The following OR3A2 variants were observed in gnomAD, a reference collection of about 807,000 sequenced individuals.
OR3A2 encodes the protein olfactory receptor family 3 subfamily A member 2.
For synonymous variants in OR3A2, 126 were observed against 159.3 expected (o/e 0.79, Z 1.57); for missense variants, 318 against 392.8 (o/e 0.81, Z 1.61).
chr17:3,383,967 A>AAATATTTATTGAATAAATATTGTGTAC (rs2049758952), intron 1 of OR3A2: 1 of 114,354 alleles, frequency 8.7e-6, no homozygotes, highest in African/African-American at 3.1e-5. Context: ...TATTGTATAC[A>AAATATTTATTGAATAAATATTGTGTAC]AATATTTATT....
intron 1 of OR3A2, 40 bp downstream of exon 4, chr17:3,279,036 C>T (rs2048761860): frequency 2.0e-6 from 3 of 1,522,510 alleles, no homozygotes; most frequent in East Asian, 4.5e-5. Flanking sequence ...CCAGGCCATC[C>T]CTCACTCGTT....
chr17:3,385,692 G>T (rs1364780340), intron 1 of OR3A2, among the ~76,000 whole-genome samples: 2 of 152,162 alleles, frequency 1.3e-5, no homozygotes, highest in African/African-American at 4.8e-5. Flanking sequence ...ACCAAAGTCT[G>T]AGAGTTACCC....
intron 3 of OR3A2, among the ~76,000 whole-genome samples, chr17:3,325,558 T>C (rs1207548736): frequency 6.6e-6 from 1 of 152,022 alleles, no homozygotes; most frequent in East Asian, 1.9e-4. Context: ...TAAATGTATA[T>C]AGATATATAT....
intron 2 of OR3A2, among the ~76,000 whole-genome samples, chr17:3,337,439 G>A (rs1399505148): frequency 6.7e-6 from 1 of 149,190 alleles, no homozygotes. Flanking sequence ...CCAACCCCAC[G>A]AGAGGCCCCG....
upstream of OR3A2, among the ~76,000 whole-genome samples, chr17:3,287,008 G>T (rs965058350): frequency 6.6e-6 from 1 of 152,124 alleles, no homozygotes; most frequent in African/African-American, 2.4e-5. Flanking sequence ...GTCCTGAATG[G>T]TATTGCCTAG....
At chr17:3,373,283 G>A (rs916064027) in intron 2 of OR3A2, among the ~76,000 whole-genome samples, 2 of 152,212 alleles carry the variant, frequency 1.3e-5, no homozygotes. Flanking sequence ...TTGTTAGGTA[G>A]AATGTTCTGT....
At chr17:3,297,305 T>C (rs9892536) in intron 3 of OR3A2, among the ~76,000 whole-genome samples, 2,141 of 152,284 alleles carry the variant, frequency 0.014, 34 homozygotes, top group African/African-American at 0.048. Flanking sequence ...AGCAGAACAA[T>C]TCCCTTACAT....
intron 3 of OR3A2, among the ~76,000 whole-genome samples, chr17:3,323,368 A>G (rs1249807735): frequency 6.6e-6 from 1 of 152,074 alleles, no homozygotes; most frequent in African/African-American, 2.4e-5. Context: ...TTCAAAGTTA[A>G]TATCGTTACG....
exon 2 of OR3A2, chr17:3,278,813 G>C: frequency 1.3e-6 from 2 of 1,537,472 alleles, no homozygotes; most frequent in Non-Finnish European, 1.8e-6. Context: ...GATAGGCAAA[G>C]AGGAGGAGCA....
At chr17:3,283,827 C>A (rs1480622464) in intron 1 of OR3A2, among the ~76,000 whole-genome samples, 1 of 150,858 alleles carries the variant, frequency 6.6e-6, no homozygotes, top group Non-Finnish European at 1.5e-5. Flanking sequence ...GGTAGAAGAA[C>A]CACTAAACAG....
At chr17:3,346,286 A>G (rs1245883633) in intron 2 of OR3A2, among the ~76,000 whole-genome samples, 2 of 152,172 alleles carry the variant, frequency 1.3e-5, no homozygotes, top group East Asian at 3.8e-4. Flanking sequence ...GTACATATTT[A>G]TAAGTACATG....
At chr17:3,360,601 G>T (rs943944813) in intron 2 of OR3A2, among the ~76,000 whole-genome samples, 9 of 151,752 alleles carry the variant, frequency 5.9e-5, no homozygotes, top group Non-Finnish European at 1.3e-4. Flanking sequence ...CGTATAAGGT[G>T]TAAAGAAGGG....
intron 3 of OR3A2, chr17:3,310,323 A>T: frequency 1.9e-6 from 1 of 533,606 alleles, no homozygotes; most frequent in Non-Finnish European, 3.9e-6. Flanking sequence ...GGATCTGGGG[A>T]ACTCAGGGAA....
At chr17:3,286,204 T>C (rs1249771019), upstream of OR3A2, among the ~76,000 whole-genome samples, 1 of 152,186 alleles carries the variant, frequency 6.6e-6, no homozygotes, top group Non-Finnish European at 1.5e-5. Context: ...CTGAGAATGA[T>C]GGTTTCCAGC....
At position 3,299,608 on chromosome 17, in the gene OR3A2, C is replaced by T. The variant is rs769900464; in HGVS notation, c.-84-20455G>A. 3.3e-5 allele frequency among the ~76,000 whole-genome samples: 5 copies of T among 152,184 alleles called. No homozygotes were observed. In the East Asian group the frequency reaches 7.7e-4, roughly 23 times the overall value. ...CGAGCCCTCCCTCAATGTCCTACTC[C>T]CTGTTCAAACAGGAAGTGCCCACCA... On this transcript the variant is annotated intron_variant, in intron 3 of 4. Coordinates refer to the OR3A2 transcript ENST00000573491.
At chr17:3,338,038 T>C (rs1384062219) in intron 2 of OR3A2, among the ~76,000 whole-genome samples, 1 of 152,244 alleles carries the variant, frequency 6.6e-6, no homozygotes, top group Non-Finnish European at 1.5e-5. Context: ...ATGATGAACA[T>C]TTTTTCACGT....
chr17:3,385,129 G>A (rs1247859023), intron 1 of OR3A2, among the ~76,000 whole-genome samples: 1 of 152,196 alleles, frequency 6.6e-6, no homozygotes, highest in East Asian at 1.9e-4. Context: ...AGGAGGCAGA[G>A]GTTGCGGTGA....
At chr17:3,349,276 T>G (rs1301590706) in intron 2 of OR3A2, among the ~76,000 whole-genome samples, 2 of 152,084 alleles carry the variant, frequency 1.3e-5, no homozygotes, top group Admixed American at 6.6e-5. Context: ...TGTGCTGTAT[T>G]CAGGAAACCC....
rs549662907 is a variant in OR3A2, at chr17:3,337,165, T to C, written c.-178-1039A>G. On this transcript the variant is annotated intron_variant, in intron 2 of 4. Coordinates refer to the OR3A2 transcript ENST00000573491. ...TTATTTTAGTAAAATATGCATAACATAAAATGTATCATTTAACCATTTTAA... is the reference window on the plus strand; with the variant it reads ...TTATTTTAGTAAAATATGCATAACACAAAATGTATCATTTAACCATTTTAA... Among the ~76,000 whole-genome samples, 9 of 152,366 alleles carry C rather than the reference T, an allele frequency of 5.9e-5. No individual in the cohort carries two copies. In the South Asian group the frequency reaches 1.0e-3, roughly 18 times the overall value.
Sources: gnomAD v4.1 joint callset for allele counts (sites outside exome capture counted in the v4.1 genomes callset) on GRCh38, gnomAD v4.1.1 for gene constraint, MANE v1.5 for transcripts, NCBI Gene and HGNC (gene_info 2026-07-23, HGNC 2026-07-21) for gene names.